PASK: variants seen among roughly 807,000 people sequenced by gnomAD.
PASK encodes the protein PAS domain-containing serine/threonine-protein kinase.
In PASK, 110 loss-of-function variants were observed where a neutral mutation model predicts 121.0. That is an observed-to-expected ratio of 0.91 (90% confidence interval 0.78 to 1.06). PASK has a LOEUF of 1.06. Ranked by LOEUF, PASK falls within the 50% of genes least tolerant of loss-of-function variation. The pLI, the probability that PASK is intolerant of heterozygous loss-of-function variation, is 0.00. For missense variants in PASK, 1,643 were observed against 1,702.3 expected (o/e 0.97, Z 0.61); for synonymous variants, 686 against 717.8 (o/e 0.96, Z 0.71).
intron 1 of PASK, among the ~76,000 whole-genome samples, chr2:241,145,315 G>T (rs1026686287): frequency 1.3e-5 from 2 of 152,020 alleles, no homozygotes; most frequent in African/African-American, 4.8e-5. Context: ...CTGATCTGTG[G>T]AAGTCAAAAC....
upstream of PASK, chr2:241,149,651 G>A (rs1374901022): frequency 1.4e-5 from 21 of 1,541,554 alleles, no homozygotes; most frequent in African/African-American, 8.2e-5. Flanking sequence ...GGAATAATGG[G>A]CGCCTCCGCC....
intron 1 of PASK, among the ~76,000 whole-genome samples, chr2:241,144,976 C>G (rs922906205): frequency 1.3e-5 from 2 of 152,092 alleles, no homozygotes; most frequent in Non-Finnish European, 2.9e-5. Flanking sequence ...TGCAGTGGCG[C>G]GACTTCGGCT....
intron 12 of PASK, among the ~76,000 whole-genome samples, chr2:241,119,112 G>C (rs1362095929): frequency 1.3e-5 from 2 of 152,278 alleles, no homozygotes; most frequent in African/African-American, 4.8e-5. Flanking sequence ...CATAGGACTG[G>C]TTCTGGCCCA....
At chr2:241,125,888 C>T (rs779689591) in intron 10 of PASK, among the ~76,000 whole-genome samples, 4 of 152,242 alleles carry the variant, frequency 2.6e-5, no homozygotes, top group Non-Finnish European at 4.4e-5. Context: ...CTGCTCCCGA[C>T]GGGATCTCCC....
In PASK at chr2:241,143,281, G is replaced by A. The variant is rs143981595; in HGVS notation, c.-42-207C>T. ...TTCCGGGCCAGGCACGGTGGCGCAC[G>A]CCTGTCATCCCAGCACTTTGGGAGG... On this transcript the variant is annotated intron_variant, in intron 1 of 17. Transcript: ENST00000234040. Among the ~76,000 whole-genome samples the A allele has an allele frequency of 3.5e-3, 536 of 152,302 alleles. 4 individuals are homozygous for A. The highest frequency in any genetic ancestry group is 0.013 in the African/African-American group (521 of 41,558).
upstream of PASK, chr2:241,149,924 T>A: frequency 7.0e-7 from 1 of 1,430,794 alleles, no homozygotes; most frequent in Non-Finnish European, 9.1e-7. Flanking sequence ...CCTGCCCGCC[T>A]GCTCCGAGCG....
intron 2 of PASK, among the ~76,000 whole-genome samples, chr2:241,141,978 G>C (rs1013731030): frequency 2.6e-5 from 4 of 152,060 alleles, no homozygotes; most frequent in African/African-American, 9.7e-5. Context: ...CCAGAATGAT[G>C]CTCCAAAAAA....
chr2:241,139,806 G>A (rs2066616941), intron 4 of PASK, 79 bp downstream of exon 4: 1 of 1,358,852 alleles, frequency 7.4e-7, no homozygotes, highest in African/African-American at 1.4e-5. Flanking sequence ...CAGAGCTCCT[G>A]GTAGGGAACA....
rs779403053 is a variant in PASK, at chr2:241,126,559, CCTGGAGACTGCCTA to C, written c.2342_2355del (p.Val781GlyfsTer9). On this transcript the variant is annotated frameshift_variant, in exon 10 of 18. Transcript: ENST00000234040. LOFTEE classifies it high-confidence loss of function. Reference sequence around the variant, plus strand: ...TCATCCAGGACACACGACCCCTGTTCCTGGAGACTGCCTACATCTGGATCGGAGCCCACTGCCAA... The same window carrying C: ...TCATCCAGGACACACGACCCCTGTTCCATCTGGATCGGAGCCCACTGCCAA... The C allele has an allele frequency of 5.9e-5, 95 of 1,614,162 alleles. No homozygotes were observed. The highest frequency in any genetic ancestry group is 7.2e-5 in the Non-Finnish European group (85 of 1,180,058).
At chr2:241,106,864 A>G in intron 17 of PASK, 141 bp from the exon 18 acceptor site, 2 of 823,230 alleles carry the variant, frequency 2.4e-6, no homozygotes, top group Non-Finnish European at 2.0e-6. Flanking sequence ...CCGGAAGTAC[A>G]GATCCTGCCA....
rs2066615669 is a variant in PASK, at chr2:241,139,783, A to G, written c.600+102T>C. The stretch of plus-strand genomic sequence containing the variant: ...GAAGAAGCTGAGATGTCCTGGTGCC[A>G]CCCAACCCCCAGCAGAGCTCCTGGT... On this transcript the variant is annotated intron_variant, in intron 4 of 17. Transcript: ENST00000234040. 7.9e-6 allele frequency: 9 copies of G among 1,140,802 alleles called. No homozygotes were observed. In the South Asian group the frequency reaches 1.2e-4, roughly 15 times the overall value. The allele number at this position is 1,140,802 out of a possible 1,614,324, so 70.7% of individuals were successfully genotyped here. A position where few individuals can be genotyped will look rare whatever the true frequency, so the allele number is the denominator to read the frequency against.
intron 12 of PASK, among the ~76,000 whole-genome samples, chr2:241,115,824 A>ACCGGTC (rs2065323492): frequency 2.9e-5 from 3 of 103,410 alleles, no homozygotes; most frequent in East Asian, 2.9e-4. Flanking sequence ...ACCAGGGGCC[A>ACCGGTC]CCCAGTCCTC....
rs1480099985 is a variant in PASK at position 241,108,719 on chromosome 2, G to C, written c.3534-419C>G. On this transcript the variant is annotated intron_variant, in intron 15 of 17. Coordinates refer to ENST00000234040, the MANE Select transcript of PASK (RefSeq NM_015148.4). The surrounding 1 kb of genome is among the most constrained non-coding windows in gnomAD (Gnocchi z 5.2). ...CGTGATCAGGCATGTTCACGATCTT[G>C]GTGTGAACGGGCTTGGTGTGACCAT... 4.7e-5 allele frequency: 16 copies of C among 341,392 alleles called. No homozygotes were observed. In the Admixed American group the frequency reaches 5.7e-4, roughly 12 times the overall value. The allele number at this position is 341,392 out of a possible 1,614,324, so 21.1% of individuals were successfully genotyped here.
chr2:241,122,603 G>C lies in PASK; in HGVS notation c.3072+129C>G, dbSNP rs2065662491. The C allele has an allele frequency of 5.8e-6, 5 of 864,586 alleles. No homozygotes were observed. The South Asian group carries it at 6.7e-5, about 12-fold the overall frequency. 53.6% of individuals were successfully genotyped at this position (864,586 alleles called of 1,614,324 possible). On this transcript the variant is annotated intron_variant, in intron 12 of 17. Coordinates refer to ENST00000234040, the MANE Select transcript of PASK (RefSeq NM_015148.4). ...CTTTGAATCCGGAAACCGCCCACAT[G>C]CCAGGTTGTGTGCTTGGTGCCATAC...
intron 10 of PASK, 32 bp downstream of exon 10, chr2:241,126,164 C>T (rs1205123969): frequency 1.9e-6 from 3 of 1,608,290 alleles, no homozygotes; most frequent in Non-Finnish European, 8.5e-7. Flanking sequence ...TCTGGGAGCA[C>T]CACACTTCTT....
chr2:241,135,863 C>G lies in PASK; in HGVS notation c.1306+8G>C. On this transcript the variant is annotated splice_region_variant and intron_variant, in intron 8 of 17. Coordinates refer to ENST00000234040, the MANE Select transcript of PASK (RefSeq NM_015148.4). ...ACAGGCGCATTCAGGAGGAAGAGGA[C>G]GTCTTACCCTGGCCCCCCTCAGCTG... 1 of 1,612,868 alleles carries G rather than the reference C, an allele frequency of 6.2e-7. No individual in the cohort carries two copies. The highest frequency in any genetic ancestry group is 1.1e-5 in the South Asian group (1 of 91,042).
intron 12 of PASK, among the ~76,000 whole-genome samples, chr2:241,119,691 C>T (rs1374256008): frequency 6.6e-6 from 1 of 152,094 alleles, no homozygotes; most frequent in Non-Finnish European, 1.5e-5. Flanking sequence ...AGGATGGTCT[C>T]GATCTCCTGA....
rs1559394737 is a variant in PASK at position 241,138,007 on chromosome 2, G to A, written c.822C>T (p.Ile274=). 6.2e-7 allele frequency: 1 copy of A among 1,614,212 alleles called. No homozygotes were observed. The highest frequency in any genetic ancestry group is 8.5e-7 in the Non-Finnish European group (1 of 1,180,014). Residue 274 remains isoleucine, a synonymous_variant, in exon 6 of 18, where the codon ATC becomes ATT. Coordinates refer to ENST00000234040, the MANE Select transcript of PASK (RefSeq NM_015148.4). ...VSGEDVAGQH[I]TDLIPSVQLP... ...GCTGCACAGAAGGGATCAGGTCTGT[G>A]ATATGCTGCCCAGCCACGTCCTCCC...
At chr2:241,149,681 G>C (rs760328835), upstream of PASK, 50 of 1,548,634 alleles carry the variant, frequency 3.2e-5, 1 homozygote, top group South Asian at 5.4e-4. Flanking sequence ...GGCAGATGCG[G>C]TTTCCTCCCG....
Sources: gnomAD v4.1 joint callset for allele counts (sites outside exome capture counted in the v4.1 genomes callset) on GRCh38, gnomAD v4.1.1 for gene constraint, Gnocchi (gnomAD v3.1) non-coding constraint, MANE v1.5 for transcripts, NCBI Gene and HGNC (gene_info 2026-07-23, HGNC 2026-07-21) for gene names.